ANKRD44: variants seen among roughly 807,000 people sequenced by gnomAD.
ANKRD44 encodes ankyrin repeat domain 44, also known as serine/threonine-protein phosphatase 6 regulatory ankyrin repeat subunit B.
Under a neutral mutation model 116.0 loss-of-function variants are expected in ANKRD44, and 35 were observed. The ratio of observed to expected loss-of-function variants is 0.30; its 90% CI spans 0.23 to 0.40. The LOEUF (loss-of-function observed/expected upper bound fraction) is 0.40. Ranked by LOEUF, ANKRD44 falls within the 10% of genes least tolerant of loss-of-function variation. The probability of loss-of-function intolerance (pLI) is 1.00; values close to 1 mark genes in which losing one functional copy is unlikely to be tolerated. For missense variants in ANKRD44, 1,014 were observed against 1,242.6 expected (o/e 0.82, Z 2.77); for synonymous variants, 435 against 461.8 (o/e 0.94, Z 0.74).
chr2:197,158,984 A>AACACACAC (rs5837527), intron 2 of ANKRD44, among the ~76,000 whole-genome samples: 49 of 148,468 alleles, frequency 3.3e-4, no homozygotes, highest in African/African-American at 7.1e-4. Context: ...AGAGCAAACA[A>AACACACAC]ACACACACAC....
At position 197,148,774 on chromosome 2, in the gene ANKRD44, A is replaced by G. The variant is rs141208720; in HGVS notation, c.112-1669T>C. On this transcript the variant is annotated intron_variant, in intron 2 of 27. Coordinates refer to ENST00000282272, the MANE Select transcript of ANKRD44 (RefSeq NM_001195144.2). ...ACAAAAAGGAGTTTGGATTCACTGG[A>G]AACTCATGTTGTCTATGTATGGCTG... is the stretch of plus-strand genomic sequence containing the variant. Among the ~76,000 whole-genome samples the G allele has an allele frequency of 2.6e-3, 401 of 152,346 alleles. 2 individuals are homozygous for G. Among genetic ancestry groups the G allele is most frequent in the Non-Finnish European group, 4.7e-3 (319 of 68,026 alleles).
intron 1 of ANKRD44, among the ~76,000 whole-genome samples, chr2:197,253,123 C>A (rs2082359239): frequency 6.6e-6 from 1 of 151,818 alleles, no homozygotes; most frequent in African/African-American, 2.4e-5. Context: ...AAATAAAAGT[C>A]AAAAAAACAG....
At chr2:197,124,986 CA>C (rs1399035946) in intron 6 of ANKRD44, among the ~76,000 whole-genome samples, 9 of 152,030 alleles carry the variant, frequency 5.9e-5, no homozygotes, top group African/African-American at 1.9e-4. Flanking sequence ...TTGTTTCTTT[CA>C]AAAATATTTA....
At chr2:197,301,906 G>A (rs1441467975) in intron 1 of ANKRD44, among the ~76,000 whole-genome samples, 2 of 152,204 alleles carry the variant, frequency 1.3e-5, no homozygotes, top group Non-Finnish European at 2.9e-5. Context: ...GATTTACACT[G>A]TGGAGGAAAA....
chr2:196,993,533 A>C, intron 27 of ANKRD44, 50 bp downstream of exon 27: 1 of 1,434,590 alleles, frequency 7.0e-7, no homozygotes, highest in Non-Finnish European at 9.6e-7. Context: ...CTCTGGCTTC[A>C]ACTAGCTTAT....
chr2:196,979,102 T>C (rs1236070212), intron 21 of ANKRD44, among the ~76,000 whole-genome samples: 1 of 151,968 alleles, frequency 6.6e-6, no homozygotes, highest in Non-Finnish European at 1.5e-5. Context: ...TAAGAATGAA[T>C]AGCATCTGCA....
At chr2:197,282,252 C>CA (rs1306546821) in intron 1 of ANKRD44, among the ~76,000 whole-genome samples, 1 of 150,940 alleles carries the variant, frequency 6.6e-6, no homozygotes, top group African/African-American at 2.4e-5. Flanking sequence ...GACTCTGTCT[C>CA]AAAAAAATAT....
At chr2:197,053,830 T>C (rs1399126392) in intron 16 of ANKRD44, among the ~76,000 whole-genome samples, 4 of 152,210 alleles carry the variant, frequency 2.6e-5, no homozygotes, top group Non-Finnish European at 5.9e-5. Flanking sequence ...CTGGAAAAGG[T>C]AAATAACCAG....
chr2:197,200,878 G>C (rs1398482542), intron 1 of ANKRD44, among the ~76,000 whole-genome samples: 1 of 152,156 alleles, frequency 6.6e-6, no homozygotes, highest in Non-Finnish European at 1.5e-5. Flanking sequence ...TGTTGCAATA[G>C]TATGTTTGCA....
At chr2:197,275,564 T>G (rs1442544420) in intron 1 of ANKRD44, among the ~76,000 whole-genome samples, 1 of 152,104 alleles carries the variant, frequency 6.6e-6, no homozygotes, top group Non-Finnish European at 1.5e-5. Flanking sequence ...CAGAGCACCA[T>G]GTTGGGGGGG....
At chr2:197,214,277 T>C (rs1011706152) in intron 1 of ANKRD44, among the ~76,000 whole-genome samples, 2 of 152,214 alleles carry the variant, frequency 1.3e-5, no homozygotes, top group African/African-American at 4.8e-5. Flanking sequence ...TGGGATATTA[T>C]GCAGCTATTA....
At chr2:197,190,523 TC>T (rs2080798051) in intron 1 of ANKRD44, among the ~76,000 whole-genome samples, 1 of 152,234 alleles carries the variant, frequency 6.6e-6, no homozygotes. Context: ...GACTGCTTCT[TC>T]TTTTTTTCTC....
intron 21 of ANKRD44, among the ~76,000 whole-genome samples, chr2:196,977,775 A>G (rs2075770954): frequency 6.6e-6 from 1 of 152,184 alleles, no homozygotes; most frequent in Non-Finnish European, 1.5e-5. Flanking sequence ...TCTGCGGAAC[A>G]GTTTGGCAGG....
chr2:197,300,294 C>T (rs150229368), intron 1 of ANKRD44, among the ~76,000 whole-genome samples: 84 of 152,248 alleles, frequency 5.5e-4, no homozygotes, highest in Middle Eastern at 3.4e-3. Context: ...AACCCTATGA[C>T]TCAGTAAATT....
chr2:197,067,874 G>T (rs2077468013), intron 16 of ANKRD44, among the ~76,000 whole-genome samples: 2 of 142,798 alleles, frequency 1.4e-5, no homozygotes, highest in Non-Finnish European at 3.1e-5. Context: ...TATACCCAAA[G>T]GACTATAAAT....
At chr2:197,114,500 A>C (rs896278947) in intron 8 of ANKRD44, among the ~76,000 whole-genome samples, 1 of 152,246 alleles carries the variant, frequency 6.6e-6, no homozygotes, top group Non-Finnish European at 1.5e-5. Context: ...AAGGAAGATT[A>C]ATCTTTGAAC....
Position 197,005,873 on chromosome 2 carries a change from A to G in ANKRD44, c.2168T>C (p.Leu723Pro). ...ACAGAGAATTGACACTTCTTGTTCC[A>G]GCAGCATTTGCACACATTCCTCGTG... ...TGHEECVQML[L>P]EQEVSILCKD... Residue 723 changes from leucine (L) to proline (P), a missense_variant, in exon 21 of 28, where the codon CTG becomes CCG. By Grantham distance (98) the Leu-to-Pro change is moderately conservative. Transcript: ENST00000282272. 6.2e-7 allele frequency: 1 copy of G among 1,614,262 alleles called. No homozygotes were observed. Among genetic ancestry groups the G allele is most frequent in the Non-Finnish European group, 8.5e-7 (1 of 1,180,054 alleles).
intron 16 of ANKRD44, among the ~76,000 whole-genome samples, chr2:197,051,983 T>G (rs2077116550): frequency 6.6e-6 from 1 of 152,182 alleles, no homozygotes. Context: ...TGAAAAATTA[T>G]TCCCGTTTAA....
intron 16 of ANKRD44, among the ~76,000 whole-genome samples, chr2:197,062,946 T>C (rs551192175): frequency 3.3e-4 from 51 of 152,354 alleles, no homozygotes; most frequent in South Asian, 2.1e-3. Context: ...TAAATGTCCC[T>C]GTCTGACAGC....
Sources: allele counts gnomAD v4.1 joint callset (sites outside exome capture counted in the v4.1 genomes callset), GRCh38; gene constraint gnomAD v4.1.1; transcripts MANE v1.5; gene names NCBI Gene and HGNC (gene_info 2026-07-23, HGNC 2026-07-21).